The following MYH10 variants were observed in gnomAD, a reference collection of about 807,000 sequenced individuals.
MYH10 encodes myosin-10.
MYH10 carries 55 observed loss-of-function variants against 257.8 expected under a neutral mutation model. The ratio of observed to expected loss-of-function variants is 0.21; its 90% CI spans 0.17 to 0.27. MYH10 has a LOEUF of 0.27. Among genes scored for constraint, MYH10 ranks in the 10% least tolerant of loss-of-function variants. MYH10 has a pLI of 1.00. For synonymous variants in MYH10, 854 were observed against 921.7 expected (o/e 0.93, Z 1.33); for missense variants, 1,631 against 2,500.6 (o/e 0.65, Z 7.42).
At chr17:8,507,319 A>G (rs974019906) in intron 26 of MYH10, among the ~76,000 whole-genome samples, 6 of 152,254 alleles carry the variant, frequency 3.9e-5, no homozygotes, top group Admixed American at 1.3e-4. Flanking sequence ...TTCCTATCAT[A>G]AACGCACACA....
At chr17:8,501,037 G>T in intron 28 of MYH10, 67 bp from the exon 29 acceptor site, 1 of 1,471,644 alleles carries the variant, frequency 6.8e-7, no homozygotes, top group South Asian at 1.3e-5. Flanking sequence ...TTTTCTTTTT[G>T]AAAAAGTACT....
intron 30 of MYH10, among the ~76,000 whole-genome samples, chr17:8,498,716 C>T (rs993958919): frequency 6.6e-6 from 1 of 151,982 alleles, no homozygotes; most frequent in Non-Finnish European, 1.5e-5. Context: ...GACATGGTGG[C>T]GGGTGCCTGT....
intron 26 of MYH10, among the ~76,000 whole-genome samples, chr17:8,507,952 A>G (rs890242886): frequency 5.3e-5 from 8 of 152,222 alleles, no homozygotes; most frequent in African/African-American, 1.9e-4. Flanking sequence ...AGCCTGGGCA[A>G]CAAGAGTGAA....
chr17:8,517,499 A>G (rs2081509589), intron 21 of MYH10, among the ~76,000 whole-genome samples: 1 of 152,216 alleles, frequency 6.6e-6, no homozygotes, highest in Non-Finnish European at 1.5e-5. Flanking sequence ...CCCAAACCCG[A>G]AGTGTTCAGT....
rs896614079 is a variant in MYH10, at chr17:8,508,689, A to G, written c.3091-12T>C. 1.2e-5 allele frequency: 20 copies of G among 1,613,226 alleles called. No homozygotes were observed. Among genetic ancestry groups the G allele is most frequent in the Admixed American group, 1.7e-5 (1 of 59,954 alleles). On this transcript the variant is annotated splice_polypyrimidine_tract_variant and intron_variant, in intron 25 of 42. Transcript: ENST00000360416. ...ATGAGTTTCTTTTCCTGGACAGGAA[A>G]AATTGACTGCTTCAGAAAAGCCATT...
intron 6 of MYH10, among the ~76,000 whole-genome samples, chr17:8,572,190 T>A (rs1252766948): frequency 1.4e-5 from 2 of 140,930 alleles, no homozygotes; most frequent in African/African-American, 4.9e-5. Flanking sequence ...AAAGGATTAT[T>A]TGAGTCAAAT....
intron 37 of MYH10, among the ~76,000 whole-genome samples, chr17:8,483,622 G>A (rs1040335141): frequency 3.9e-5 from 6 of 152,164 alleles, no homozygotes; most frequent in Non-Finnish European, 4.4e-5. Flanking sequence ...GTATATTTAA[G>A]TGTGCCTTGC....
intron 4 of MYH10, 58 bp from the exon 5 acceptor site, chr17:8,577,396 A>G (rs571037767): frequency 2.5e-5 from 24 of 945,472 alleles, no homozygotes; most frequent in Middle Eastern, 4.4e-4. Context: ...TGCATTCCAA[A>G]ATTACAACTG....
intron 6 of MYH10, among the ~76,000 whole-genome samples, chr17:8,571,038 C>A (rs993394826): frequency 6.6e-6 from 1 of 152,118 alleles, no homozygotes; most frequent in Admixed American, 6.5e-5. Context: ...CCAGTCTTGT[C>A]AAGAACCTCA....
intron 23 of MYH10, 77 bp downstream of exon 23, chr17:8,513,461 T>A: frequency 1.3e-6 from 2 of 1,568,320 alleles, no homozygotes; most frequent in Non-Finnish European, 1.7e-6. Flanking sequence ...CATAATGAAA[T>A]GTGTCGGGGT....
At position 8,509,882 on chromosome 17, in the gene MYH10, G is replaced by A; in HGVS notation, c.3020C>T (p.Ala1007Val). The change falls in exon 25 of 43, where the codon GCA becomes GTA. Residue 1007 changes from alanine to valine, a missense_variant. By Grantham distance (64) the Ala-to-Val change is moderately conservative. Transcript: ENST00000360416. ...RQKLQLEKVT[A>V]EAKIKKMEEE... ...TTCCATCTTCTTGATCTTGGCCTCT[G>A]CTGTCACCTTTTCCAGCTGCAGCTT... The A allele has an allele frequency of 6.2e-7, 1 of 1,613,416 alleles. No homozygotes were observed. Among genetic ancestry groups the A allele is most frequent in the East Asian group, 2.2e-5 (1 of 44,824 alleles).
In MYH10 at chr17:8,546,529, G is replaced by C. The variant is rs562685232; in HGVS notation, c.1278+15C>G. ...ATTCAAACAAATCAGTAATAACAAT[G>C]AACATGAAACCTACCTGTTCTTTGG... On this transcript the variant is annotated intron_variant, in intron 12 of 42. Coordinates refer to ENST00000360416, the MANE Select transcript of MYH10 (RefSeq NM_001256012.3). 19 of 1,596,970 alleles carry C rather than the reference G, an allele frequency of 1.2e-5. 1 individual carries two copies. The South Asian group carries it at 2.1e-4, about 18-fold the overall frequency.
At chr17:8,495,284 G>A (rs1916409204) in intron 30 of MYH10, 43 bp from the exon 31 acceptor site, 1 of 1,244,064 alleles carries the variant, frequency 8.0e-7, no homozygotes, top group South Asian at 1.2e-5. Flanking sequence ...TAGTAAGCAA[G>A]CAGAAAGGGT....
chr17:8,476,029 A>G, intron 42 of MYH10, 81 bp from the exon 43 acceptor site: 1 of 1,477,580 alleles, frequency 6.8e-7, no homozygotes. Flanking sequence ...ACTCAATGCC[A>G]CGGAACCTTC....
rs577306554 is a variant in MYH10 at position 8,499,485 on chromosome 17, C to T, written c.3745-9G>A. On this transcript the variant is annotated splice_polypyrimidine_tract_variant and intron_variant, in intron 29 of 42. Coordinates refer to ENST00000360416, the MANE Select transcript of MYH10 (RefSeq NM_001256012.3). ...TCTAGATTTGCTTTGAACTAGGAGA[C>T]GGAAGGGAAAACATAATTCACTAGT... 54 of 1,613,464 alleles carry T rather than the reference C, an allele frequency of 3.3e-5. No homozygotes were observed. Among genetic ancestry groups the T allele is most frequent in the Admixed American group, 1.3e-4 (8 of 59,984 alleles).
At chr17:8,484,856 G>T (rs1914491965) in intron 36 of MYH10, among the ~76,000 whole-genome samples, 1 of 152,194 alleles carries the variant, frequency 6.6e-6, no homozygotes. Flanking sequence ...CATACTTAAG[G>T]ATCAATGACC....
chr17:8,575,032 A>C (rs767963522), intron 6 of MYH10, among the ~76,000 whole-genome samples: 1 of 152,248 alleles, frequency 6.6e-6, no homozygotes, highest in Non-Finnish European at 1.5e-5. Flanking sequence ...ATTAAAATCA[A>C]CTTGGGAAAA....
At chr17:8,553,803 A>G in intron 8 of MYH10, 152 bp downstream of exon 8, 1 of 601,162 alleles carries the variant, frequency 1.7e-6, no homozygotes, top group East Asian at 2.9e-5. Context: ...GTTAATATTC[A>G]CTAGTCGAAA....
chr17:8,518,726 A>G lies in MYH10; in HGVS notation c.2409T>C (p.Ala803=). The G allele has an allele frequency of 1.9e-6, 3 of 1,614,118 alleles. No individual in the cohort carries two copies. The highest frequency in any genetic ancestry group is 2.5e-6 in the Non-Finnish European group (3 of 1,179,966). Residue 803 remains alanine (A), a synonymous_variant, in exon 21 of 43, where the codon GCT becomes GCC. Coordinates refer to ENST00000360416, the MANE Select transcript of MYH10 (RefSeq NM_001256012.3). ...RIGQSKIFFR[A]GVLAHLEEER... The stretch of plus-strand genomic sequence containing the variant: ...CTTCCTCTAAGTGTGCCAGAACTCC[A>G]GCTCTGAAAAATATCTTGCTCTGTC...
Sources: gnomAD v4.1 joint callset for allele counts (sites outside exome capture counted in the v4.1 genomes callset) on GRCh38, gnomAD v4.1.1 for gene constraint, MANE v1.5 for transcripts, NCBI Gene and HGNC (gene_info 2026-07-23, HGNC 2026-07-21) for gene names.